The following UST variants were observed in gnomAD, a reference collection of about 807,000 sequenced individuals.
UST encodes the protein chondroitin sulfate 2-O-sulfotransferase.
Under a neutral mutation model 45.6 loss-of-function variants are expected in UST, and 21 were observed. The observed-to-expected ratio is 0.46, with a 90% CI of 0.33 to 0.66. UST has a LOEUF of 0.66. Ranked by LOEUF, UST falls within the 30% of genes least tolerant of loss-of-function variation. The pLI is 0.02. For synonymous variants in UST, 215 were observed against 200.6 expected, an observed-to-expected ratio of 1.07 and a Z score of -0.61; for missense variants, 463 against 512.4, an observed-to-expected ratio of 0.90 and a Z score of 0.93.
chr6:148,956,346 G>C (rs959857319), intron 4 of UST, among the ~76,000 whole-genome samples: 29 of 150,396 alleles, frequency 1.9e-4, no homozygotes, highest in African/African-American at 6.9e-4. Context: ...AATCATGGCA[G>C]GAGTCGAAAG....
intron 3 of UST, among the ~76,000 whole-genome samples, chr6:148,953,277 T>C (rs1461154408): frequency 6.6e-6 from 1 of 152,242 alleles, no homozygotes; most frequent in Non-Finnish European, 1.5e-5. Context: ...TAGAAGGCAT[T>C]CTTTTATTTA....
At chr6:148,907,929 G>C (rs1484348320) in intron 2 of UST, among the ~76,000 whole-genome samples, 1 of 33,610 alleles carries the variant, frequency 3.0e-5, no homozygotes, top group Non-Finnish European at 6.3e-5. Context: ...TTTTTTTTTT[G>C]ACAGAGTCTT....
At position 148,813,507 on chromosome 6, in the gene UST, G is replaced by A. The variant is rs201454716; in HGVS notation, c.247+65830G>A. Among the ~76,000 whole-genome samples, 34 of 151,866 alleles carry A rather than the reference G, an allele frequency of 2.2e-4. No individual in the cohort carries two copies. The East Asian group carries it at 5.8e-3, about 26-fold the overall frequency. On this transcript the variant is annotated intron_variant, in intron 1 of 7. Coordinates refer to ENST00000367463, the MANE Select transcript of UST (RefSeq NM_005715.3). ...AGTGATTCTCCTGCGTCAGCCTCCC[G>A]AGTAGCTGGGATTACAGGCGCCTGC...
intron 2 of UST, among the ~76,000 whole-genome samples, chr6:148,908,459 G>A (rs185884138): frequency 1.3e-5 from 2 of 152,204 alleles, no homozygotes; most frequent in Non-Finnish European, 1.5e-5. Flanking sequence ...AATCTTGGGC[G>A]TTTGGTGGTA....
chr6:148,918,835 T>C (rs2114891679), intron 2 of UST, among the ~76,000 whole-genome samples: 1 of 152,340 alleles, frequency 6.6e-6, no homozygotes, highest in South Asian at 2.1e-4. Context: ...TTTTTTTAGT[T>C]CTATTTTTAA....
intron 7 of UST, among the ~76,000 whole-genome samples, chr6:149,028,949 G>C (rs1028398828): frequency 6.6e-6 from 1 of 152,010 alleles, no homozygotes; most frequent in African/African-American, 2.4e-5. Flanking sequence ...TTGAAAAACT[G>C]TTTTCCATGT....
At chr6:148,801,235 TA>T (rs1253937519) in intron 1 of UST, among the ~76,000 whole-genome samples, 1 of 152,214 alleles carries the variant, frequency 6.6e-6, no homozygotes, top group Admixed American at 6.5e-5. Flanking sequence ...AGCTTTGATT[TA>T]ATTTAATTTT....
intron 5 of UST, among the ~76,000 whole-genome samples, chr6:149,006,245 A>C (rs540611252): frequency 1.3e-5 from 2 of 151,724 alleles, no homozygotes; most frequent in Middle Eastern, 3.4e-3. Context: ...TCCCTCCCCC[A>C]ACCCCACTGA....
intron 1 of UST, among the ~76,000 whole-genome samples, chr6:148,853,077 C>T (rs983016533): frequency 6.6e-6 from 1 of 152,132 alleles, no homozygotes; most frequent in African/African-American, 2.4e-5. Context: ...TATTAAGCCC[C>T]ACATGCATCA....
intron 2 of UST, among the ~76,000 whole-genome samples, chr6:148,907,464 A>G (rs1779386291): frequency 6.6e-6 from 1 of 152,206 alleles, no homozygotes; most frequent in Admixed American, 6.5e-5. Flanking sequence ...AATGAGCCCT[A>G]CTAATTTGAC....
chr6:148,858,646 C>A (rs533423608), intron 1 of UST, among the ~76,000 whole-genome samples: 1 of 152,284 alleles, frequency 6.6e-6, no homozygotes, highest in Admixed American at 6.5e-5. Context: ...ATCCCTCCCC[C>A]CTTGCCCCAC....
At chr6:148,989,209 G>GC (rs777308805) in intron 5 of UST, among the ~76,000 whole-genome samples, 1,876 of 95,272 alleles carry the variant, frequency 0.02, 57 homozygotes, top group African/African-American at 0.052. Flanking sequence ...TTCAGTAAAG[G>GC]CCCCCCCCCA....
Position 148,936,573 on chromosome 6 carries a change from CTTTTTTTTTTTTTTT to C in UST, c.292-4692_292-4678del, listed in dbSNP as rs138494669. The stretch of plus-strand genomic sequence containing the variant: ...GTCCCTCCCTCCTTAAAAATCAGTC[CTTTTTTTTTTTTTTT>C]TTTTTTTTTTTTTGCCATCTTTCCA... On this transcript the variant is annotated intron_variant, in intron 2 of 7. Coordinates refer to ENST00000367463, the MANE Select transcript of UST (RefSeq NM_005715.3). 1.1e-3 allele frequency among the ~76,000 whole-genome samples: 93 copies of C among 85,370 alleles called. 1 individual carries two copies. Among genetic ancestry groups the C allele is most frequent in the South Asian group, 7.2e-3 (15 of 2,086 alleles). The allele number at this position is 85,370 out of a possible 152,430, so 56.0% of individuals were successfully genotyped here.
chr6:148,897,839 G>A (rs894792561), intron 2 of UST, among the ~76,000 whole-genome samples: 1 of 152,158 alleles, frequency 6.6e-6, no homozygotes, highest in Non-Finnish European at 1.5e-5. Context: ...GACCAGATAC[G>A]AATCTCTTAC....
intron 7 of UST, among the ~76,000 whole-genome samples, chr6:149,072,723 G>A (rs1270341311): frequency 6.6e-6 from 1 of 151,822 alleles, no homozygotes; most frequent in East Asian, 1.9e-4. Flanking sequence ...AACATGCTTA[G>A]TGAAATAAGC....
chr6:148,886,032 T>C (rs565450816), intron 1 of UST, among the ~76,000 whole-genome samples: 28 of 152,388 alleles, frequency 1.8e-4, no homozygotes, highest in Admixed American at 6.5e-4. Context: ...TCGATTATAC[T>C]GATTGCATCT....
At chr6:148,787,712 T>C (rs1275492369) in intron 1 of UST, among the ~76,000 whole-genome samples, 5 of 152,224 alleles carry the variant, frequency 3.3e-5, no homozygotes, top group Non-Finnish European at 7.3e-5. Flanking sequence ...ATAGTTTTTT[T>C]CCAATTCTGT....
intron 2 of UST, among the ~76,000 whole-genome samples, chr6:148,896,186 G>A (rs1187516632): frequency 6.6e-6 from 1 of 152,226 alleles, no homozygotes; most frequent in Non-Finnish European, 1.5e-5. Context: ...GATTTTGTGT[G>A]TATACACAGT....
At chr6:148,944,508 TACACACACACAC>T (rs10663979) in intron 3 of UST, among the ~76,000 whole-genome samples, 312 of 142,630 alleles carry the variant, frequency 2.2e-3, no homozygotes, top group African/African-American at 6.2e-3. Flanking sequence ...GTTGTGATCA[TACACACACACAC>T]ACACACACAC....
Sources: allele counts gnomAD v4.1 joint callset (sites outside exome capture counted in the v4.1 genomes callset), GRCh38; gene constraint gnomAD v4.1.1; transcripts MANE v1.5; gene names NCBI Gene and HGNC (gene_info 2026-07-23, HGNC 2026-07-21).